Variants in VTI1A observed in about 807,000 individuals in gnomAD.
VTI1A encodes the protein vesicle transport through interaction with t-SNAREs homolog 1A.
A neutral mutation model predicts 34.9 loss-of-function variants in VTI1A; 22 were observed. The observed-to-expected ratio is 0.63, with a 90% CI of 0.45 to 0.90. VTI1A has a LOEUF of 0.90. Among genes scored for constraint, VTI1A ranks in the 40% least tolerant of loss-of-function variants. The pLI, the probability that VTI1A is intolerant of heterozygous loss-of-function variation, is 0.00. For synonymous variants in VTI1A, 87 were observed against 97.3 expected, an observed-to-expected ratio of 0.89 and a Z score of 0.62; for missense variants, 268 against 275.6, an observed-to-expected ratio of 0.97 and a Z score of 0.20.
chr10:112,469,688 T>C (rs1048187513), intron 3 of VTI1A, among the ~76,000 whole-genome samples: 2 of 152,228 alleles, frequency 1.3e-5, no homozygotes, highest in South Asian at 2.1e-4. Flanking sequence ...GAATTCCATC[T>C]CTCTGCCCTG....
chr10:112,833,131 T>C, the VTI1A span, among the ~76,000 whole-genome samples: 1 of 152,090 alleles, frequency 6.6e-6, no homozygotes, highest in Non-Finnish European at 1.5e-5. Context: ...AGAGGTCCTC[T>C]CCTTCCCCTC....
At chr10:112,593,005 G>A (rs781140912) in intron 5 of VTI1A, among the ~76,000 whole-genome samples, 25 of 152,200 alleles carry the variant, frequency 1.6e-4, no homozygotes, top group Non-Finnish European at 2.5e-4. Context: ...CAGTTTAAAG[G>A]AGAGAATGCA....
intron 7 of VTI1A, among the ~76,000 whole-genome samples, chr10:112,717,700 G>A (rs2133933932): frequency 6.6e-6 from 1 of 152,206 alleles, no homozygotes; most frequent in South Asian, 2.1e-4. Flanking sequence ...AATCTAATAA[G>A]TCACACAGTG....
At chr10:112,594,382 A>G (rs10749120) in intron 5 of VTI1A, among the ~76,000 whole-genome samples, 126,280 of 152,034 alleles carry the variant, frequency 0.83, 53,204 homozygotes, top group African/African-American at 0.95. Flanking sequence ...GTCACTGTTC[A>G]CAGACGACAT....
intron 3 of VTI1A, among the ~76,000 whole-genome samples, chr10:112,521,505 G>A (rs1192355065): frequency 3.3e-5 from 5 of 151,970 alleles, no homozygotes; most frequent in African/African-American, 1.2e-4. Flanking sequence ...CAAGGTGTTA[G>A]GGTAGGTTTG....
At chr10:112,481,703 A>G (rs1848463550) in intron 3 of VTI1A, among the ~76,000 whole-genome samples, 1 of 152,198 alleles carries the variant, frequency 6.6e-6, no homozygotes, top group African/African-American at 2.4e-5. Context: ...AGAAGTAAGG[A>G]TGTGATGGAT....
chr10:112,837,147 C>G, the VTI1A span, among the ~76,000 whole-genome samples: 1 of 152,178 alleles, frequency 6.6e-6, no homozygotes, highest in Non-Finnish European at 1.5e-5. Flanking sequence ...ATGGTGAAAC[C>G]CGTCTCTACT....
chr10:112,459,491 C>T (rs1326736448), intron 1 of VTI1A, among the ~76,000 whole-genome samples: 1 of 152,174 alleles, frequency 6.6e-6, no homozygotes, highest in African/African-American at 2.4e-5. Flanking sequence ...GAGATTAGTC[C>T]AGCTAGGATT....
the VTI1A span, among the ~76,000 whole-genome samples, chr10:112,847,979 C>G: frequency 3.3e-3 from 499 of 152,236 alleles, 4 homozygotes; most frequent in African/African-American, 0.011. Flanking sequence ...AAGAACCACC[C>G]AGCTAAGCCC....
chr10:112,840,001 G>A, the VTI1A span, among the ~76,000 whole-genome samples: 20 of 152,230 alleles, frequency 1.3e-4, no homozygotes, highest in African/African-American at 4.8e-4. Flanking sequence ...CAGCTGTGAG[G>A]ATAAAGAGCT....
chr10:112,697,225 G>T (rs1332572283), intron 7 of VTI1A, among the ~76,000 whole-genome samples: 1 of 146,656 alleles, frequency 6.8e-6, no homozygotes, highest in African/African-American at 2.5e-5. Flanking sequence ...ACAGGGTCTT[G>T]CTCTGTTACC....
the VTI1A span, among the ~76,000 whole-genome samples, chr10:112,833,878 AG>A: frequency 6.6e-6 from 1 of 152,146 alleles, no homozygotes; most frequent in Admixed American, 6.5e-5. Context: ...CATTGTTCAA[AG>A]GGGCTGACTC....
intron 7 of VTI1A, among the ~76,000 whole-genome samples, chr10:112,715,459 G>T (rs554573000): frequency 6.6e-6 from 1 of 152,286 alleles, no homozygotes; most frequent in South Asian, 2.1e-4. Context: ...ATGAAGTTAT[G>T]AAACTGAGAC....
At chr10:112,805,828 C>T (rs1294323827) in intron 7 of VTI1A, among the ~76,000 whole-genome samples, 1 of 152,152 alleles carries the variant, frequency 6.6e-6, no homozygotes, top group African/African-American at 2.4e-5. Context: ...TCTCAGGGAA[C>T]CAACCCTGCC....
At chr10:112,677,792 A>G (rs1236928024) in intron 7 of VTI1A, 1 of 152,236 alleles carries the variant, frequency 6.6e-6, no homozygotes, top group Non-Finnish European at 1.5e-5. Context: ...GTGATAGTGC[A>G]CGCAGCACAT....
chr10:112,527,711 T>TAAG (rs1277383069), intron 4 of VTI1A, among the ~76,000 whole-genome samples: 1 of 147,232 alleles, frequency 6.8e-6, no homozygotes, highest in Non-Finnish European at 1.5e-5. Context: ...ATAGTCATAA[T>TAAG]AATAATAATA....
chr10:112,619,079 A>G (rs1397847132), intron 5 of VTI1A, among the ~76,000 whole-genome samples: 1 of 124,764 alleles, frequency 8.0e-6, no homozygotes, highest in Non-Finnish European at 1.8e-5. Flanking sequence ...TTTTTTTTTT[A>G]AGGAACTAAT....
At chr10:112,491,868 A>C (rs1415082414) in intron 3 of VTI1A, among the ~76,000 whole-genome samples, 1 of 152,184 alleles carries the variant, frequency 6.6e-6, no homozygotes, top group African/African-American at 2.4e-5. Context: ...GTTGGGCATA[A>C]AAATAAAGGT....
At chr10:112,671,040 A>C (rs1847827361) in intron 7 of VTI1A, among the ~76,000 whole-genome samples, 1 of 152,222 alleles carries the variant, frequency 6.6e-6, no homozygotes, top group Non-Finnish European at 1.5e-5. Flanking sequence ...CGTATGATAT[A>C]CAATGTATTT....
Sources: gnomAD v4.1 joint callset for allele counts (sites outside exome capture counted in the v4.1 genomes callset) on GRCh38, gnomAD v4.1.1 for gene constraint, MANE v1.5 for transcripts, NCBI Gene and HGNC (gene_info 2026-07-23, HGNC 2026-07-21) for gene names.